The following FARP1 variants were observed in gnomAD, a reference collection of about 807,000 sequenced individuals.
The protein encoded by FARP1 is FERM, ARHGEF and pleckstrin domain-containing protein 1.
Under a neutral mutation model 128.8 loss-of-function variants are expected in FARP1, and 52 were observed. That is an observed-to-expected ratio of 0.40 (90% CI 0.32 to 0.51). FARP1 has a LOEUF of 0.51. Among genes scored for constraint, FARP1 ranks in the 20% least tolerant of loss-of-function variants. FARP1 has a pLI of 0.45. For missense variants in FARP1, 1,333 were observed against 1,367.9 expected, an observed-to-expected ratio of 0.97 and a Z score of 0.40; for synonymous variants, 580 against 551.8, an observed-to-expected ratio of 1.05 and a Z score of -0.72.
chr13:98,225,095 G>T (rs1162800893), intron 2 of FARP1, among the ~76,000 whole-genome samples: 1 of 152,172 alleles, frequency 6.6e-6, no homozygotes, highest in Non-Finnish European at 1.5e-5. Flanking sequence ...TTGTGTAGTA[G>T]TCACAGCATA....
At chr13:98,420,244 C>T (rs959508330) in intron 16 of FARP1, among the ~76,000 whole-genome samples, 8 of 152,140 alleles carry the variant, frequency 5.3e-5, no homozygotes, top group South Asian at 4.1e-4. Context: ...CCCCTGCCTG[C>T]GACGACAGCC....
chr13:98,251,933 C>T (rs1452925794), intron 2 of FARP1, among the ~76,000 whole-genome samples: 2 of 152,106 alleles, frequency 1.3e-5, no homozygotes, highest in Admixed American at 6.5e-5. Flanking sequence ...ATGCAGTCTC[C>T]GCCTCCTGGG....
At chr13:98,364,121 T>A (rs541381988) in intron 3 of FARP1, among the ~76,000 whole-genome samples, 1 of 152,344 alleles carries the variant, frequency 6.6e-6, no homozygotes, top group South Asian at 2.1e-4. Context: ...ACTGTAAAAA[T>A]GTTTACGATG....
chr13:98,359,133 A>G (rs1453129131), intron 3 of FARP1, among the ~76,000 whole-genome samples: 1 of 152,206 alleles, frequency 6.6e-6, no homozygotes, highest in Admixed American at 6.5e-5. Context: ...TTTGGAGGGA[A>G]GCATATTAGT....
intron 2 of FARP1, among the ~76,000 whole-genome samples, chr13:98,293,162 C>A (rs1465428223): frequency 1.3e-5 from 2 of 151,992 alleles, no homozygotes; most frequent in Admixed American, 6.6e-5. Context: ...GCCCTATTTT[C>A]CAGTTACATT....
chr13:98,352,520 C>T (rs995327265), intron 3 of FARP1, among the ~76,000 whole-genome samples: 5 of 152,158 alleles, frequency 3.3e-5, no homozygotes, highest in African/African-American at 7.2e-5. Context: ...TGAGAAAGCA[C>T]GCTTCCATAT....
chr13:98,182,738 G>C (rs1421395728), intron 1 of FARP1, among the ~76,000 whole-genome samples: 1 of 152,202 alleles, frequency 6.6e-6, no homozygotes, highest in Non-Finnish European at 1.5e-5. Context: ...CAATTTGGCC[G>C]AGTACCAAGG....
intron 1 of FARP1, among the ~76,000 whole-genome samples, chr13:98,160,287 T>G (rs1876785015): frequency 6.6e-6 from 1 of 152,192 alleles, no homozygotes; most frequent in Non-Finnish European, 1.5e-5. Flanking sequence ...CTGGCAGGTG[T>G]GTGCTGTAGG....
chr13:98,333,359 T>C (rs1053737138), intron 2 of FARP1: 2 of 151,776 alleles, frequency 1.3e-5, no homozygotes, highest in Non-Finnish European at 2.9e-5. Context: ...AAGAGCTGGA[T>C]TCTCCCCTAA....
intron 1 of FARP1, among the ~76,000 whole-genome samples, chr13:98,172,497 A>G (rs1877722401): frequency 6.6e-6 from 1 of 152,150 alleles, no homozygotes; most frequent in African/African-American, 2.4e-5. Flanking sequence ...CCTCTAGCAT[A>G]GCACCCTTAA....
At chr13:98,175,368 C>T (rs181635725) in intron 1 of FARP1, among the ~76,000 whole-genome samples, 3 of 152,148 alleles carry the variant, frequency 2.0e-5, no homozygotes, top group Admixed American at 6.5e-5. Context: ...CAAACTTCAG[C>T]GTGGATATTC....
rs560846736 is a variant in FARP1, at chr13:98,424,091, G to C, written c.1827-481G>C. ...TTCCCAAGGGCTATGGACAGCTATT[G>C]GTCTGCTTCAGGCAAGGGCTCTTAG... is the stretch of plus-strand genomic sequence containing the variant. On this transcript the variant is annotated intron_variant, in intron 16 of 26. Coordinates refer to ENST00000319562, the MANE Select transcript of FARP1 (RefSeq NM_005766.4). 7.9e-5 allele frequency among the ~76,000 whole-genome samples: 12 copies of C among 152,284 alleles called. No individual in the cohort carries two copies. In the East Asian group the frequency reaches 2.3e-3, roughly 29 times the overall value.
At chr13:98,344,174 G>A (rs1888083959) in intron 3 of FARP1, among the ~76,000 whole-genome samples, 1 of 152,170 alleles carries the variant, frequency 6.6e-6, no homozygotes, top group African/African-American at 2.4e-5. Flanking sequence ...TCTGATTTCT[G>A]GTTTAGAAAG....
At position 98,395,285 on chromosome 13, in the gene FARP1, G is replaced by C; in HGVS notation, c.1223G>C (p.Ser408Thr). 1 of 1,609,290 alleles carries C rather than the reference G, an allele frequency of 6.2e-7. No individual in the cohort carries two copies. The highest frequency in any genetic ancestry group is 8.5e-7 in the Non-Finnish European group (1 of 1,176,340). ...GEGAESPGGQ[S>T]CRRGKEPKVS... ...GGTGCCGAATCTCCAGGGGGCCAGA[G>C]CTGCCGGCGAGGAAAGGAACCGAAG... Residue 408 changes from serine to threonine, a missense_variant, in exon 13 of 27, where the codon AGC becomes ACC. Around this residue, in one of 2 missense-constraint regions of FARP1, gnomAD observed 1,009 missense variants for 969.8 expected, o/e 1.04. Coordinates refer to ENST00000319562, the MANE Select transcript of FARP1 (RefSeq NM_005766.4).
chr13:98,447,965 G>T lies in FARP1; in HGVS notation c.3057-271G>T. On this transcript the variant is annotated intron_variant, in intron 26 of 26. Transcript: ENST00000319562. The stretch of plus-strand genomic sequence containing the variant: ...GTAGCGTTCTCCCCAGCAACCAGAG[G>T]CCACCTCGCTCCTAACTGCTCCAAT... 2.0e-5 allele frequency: 10 copies of T among 493,088 alleles called. No homozygotes were observed. In the South Asian group the frequency reaches 2.8e-4, roughly 14 times the overall value. The allele number at this position is 493,088 out of a possible 1,614,324, so 30.5% of individuals were successfully genotyped here.
At chr13:98,397,152 C>G (rs1806126422) in intron 13 of FARP1, 1 of 152,154 alleles carries the variant, frequency 6.6e-6, no homozygotes, top group Non-Finnish European at 1.5e-5. Flanking sequence ...TTGTGATCTA[C>G]TAGGGATTGC....
chr13:98,342,023 T>A (rs1036930739), intron 2 of FARP1, among the ~76,000 whole-genome samples: 4 of 152,198 alleles, frequency 2.6e-5, no homozygotes, highest in African/African-American at 9.6e-5. Flanking sequence ...AATGGATAAC[T>A]TTTATTGATT....
At chr13:98,207,422 G>T (rs1279076883) in intron 1 of FARP1, among the ~76,000 whole-genome samples, 1 of 152,140 alleles carries the variant, frequency 6.6e-6, no homozygotes, top group Non-Finnish European at 1.5e-5. Flanking sequence ...TCAGTTCAGA[G>T]GATGAGGAGT....
Position 98,226,992 on chromosome 13 carries a change from G to A in FARP1, c.171+13579G>A, listed in dbSNP as rs564426850. Among the ~76,000 whole-genome samples, 37 of 151,924 alleles carry A rather than the reference G, an allele frequency of 2.4e-4. 1 individual carries two copies. Among genetic ancestry groups the A allele is most frequent in the African/African-American group, 8.4e-4 (35 of 41,426 alleles). On this transcript the variant is annotated intron_variant, in intron 2 of 26. Coordinates refer to ENST00000319562, the MANE Select transcript of FARP1 (RefSeq NM_005766.4). ...GTCTTGCTCTGTTGTCCAGATTGGA[G>A]TGCAGTGGCACGATCTCGGCTCACT... is the stretch of plus-strand genomic sequence containing the variant.
Sources: gnomAD v4.1 joint callset for allele counts (sites outside exome capture counted in the v4.1 genomes callset) on GRCh38, gnomAD v4.1.1 for gene constraint, gnomAD v4.1.1 regional missense constraint, MANE v1.5 for transcripts, NCBI Gene and HGNC (gene_info 2026-07-23, HGNC 2026-07-21) for gene names.